Variants in ARSG observed in about 807,000 individuals in gnomAD.
The protein encoded by ARSG is ASG.
A neutral mutation model predicts 50.5 loss-of-function variants in ARSG; 37 were observed. The ratio of observed to expected loss-of-function variants is 0.73; its 90% confidence interval spans 0.56 to 0.96. The LOEUF (loss-of-function observed/expected upper bound fraction) is 0.96, where lower values mean the gene tolerates loss of function less well. ARSG is among the 50% of genes least tolerant of loss of function. The pLI, the probability that ARSG is intolerant of heterozygous loss-of-function variation, is 0.00. For synonymous variants in ARSG, 225 were observed against 254.6 expected (o/e 0.88, Z 1.11); for missense variants, 629 against 675.3 (o/e 0.93, Z 0.76).
intron 8 of ARSG, among the ~76,000 whole-genome samples, chr17:68,379,469 G>A (rs2080323272): frequency 6.9e-6 from 1 of 144,404 alleles, no homozygotes; most frequent in Non-Finnish European, 1.5e-5. Flanking sequence ...GGAGCAGAGG[G>A]GTCTTGCTTG....
upstream of ARSG, among the ~76,000 whole-genome samples, chr17:68,287,853 C>T (rs534040983): frequency 2.1e-4 from 32 of 152,056 alleles, no homozygotes; most frequent in African/African-American, 6.3e-4. Flanking sequence ...CTTAAAAAAC[C>T]GAGTCATAAG....
chr17:68,300,441 G>C (rs564665933), intron 1 of ARSG, among the ~76,000 whole-genome samples: 5 of 152,304 alleles, frequency 3.3e-5, no homozygotes, highest in African/African-American at 1.2e-4. Flanking sequence ...ATACAGCTTT[G>C]TAAAAGGTTC....
chr17:68,431,156 G>A, the ARSG span, among the ~76,000 whole-genome samples: 2 of 152,294 alleles, frequency 1.3e-5, no homozygotes, highest in African/African-American at 4.8e-5. Context: ...GAGAGAGCAC[G>A]GGTGTATACA....
At chr17:68,350,727 T>G (rs1018406401) in intron 4 of ARSG, among the ~76,000 whole-genome samples, 1 of 152,064 alleles carries the variant, frequency 6.6e-6, no homozygotes, top group Admixed American at 6.6e-5. Flanking sequence ...GGAGCTTGCA[T>G]TGAGCCGAGA....
intron 1 of ARSG, 47 bp from the exon 2 acceptor site, chr17:68,306,896 C>T (rs1450900032): frequency 1.3e-5 from 2 of 152,378 alleles, no homozygotes; most frequent in African/African-American, 4.8e-5. Context: ...AACACAGCTG[C>T]ACTGGCAGTT....
chr17:68,401,946 A>T (rs1320948275), intron 11 of ARSG, among the ~76,000 whole-genome samples: 5 of 152,200 alleles, frequency 3.3e-5, no homozygotes, highest in Admixed American at 1.3e-4. Context: ...GATGGTCCTC[A>T]GGGTCTTCCA....
chr17:68,377,493 A>G (rs1010584745), intron 8 of ARSG, among the ~76,000 whole-genome samples: 1 of 152,196 alleles, frequency 6.6e-6, no homozygotes, highest in Admixed American at 6.5e-5. Flanking sequence ...GACTCAGCTC[A>G]GGGCTCAGCA....
At chr17:68,264,926 G>C (rs1457043787) in intron 1 of ARSG, among the ~76,000 whole-genome samples, 1 of 151,738 alleles carries the variant, frequency 6.6e-6, no homozygotes, top group African/African-American at 2.4e-5. Context: ...GGCCGAGGTG[G>C]GTGGATCACC....
At position 68,420,279 on chromosome 17, in the gene ARSG, C is replaced by G; in HGVS notation, c.1394C>G (p.Ala465Gly). ...AACCTGGAAGACGATACCGCAGAAG[C>G]TGTGCCCCTAGAAAGAGGTGGTGCG... ...IFNLEDDTAE[A>G]VPLERGGAEY... The change falls in exon 12 of 12, where the codon GCT (alanine) becomes GGT (glycine). Residue 465 changes from alanine to glycine, a missense_variant. Ala to Gly is a moderately conservative substitution (Grantham distance 60). Coordinates refer to ENST00000621439, the MANE Select transcript of ARSG (RefSeq NM_001267727.2). The G allele has an allele frequency of 6.2e-7, 1 of 1,614,134 alleles. No homozygotes were observed. Among genetic ancestry groups the G allele is most frequent in the East Asian group, 2.2e-5 (1 of 44,866 alleles).
At chr17:68,311,779 CTT>C (rs1425756931) in intron 2 of ARSG, among the ~76,000 whole-genome samples, 5 of 146,214 alleles carry the variant, frequency 3.4e-5, no homozygotes, top group Non-Finnish European at 7.5e-5. Flanking sequence ...TGATTTCAGA[CTT>C]TTAGCCTCCT....
At chr17:68,267,648 G>A (rs1419962436) in intron 1 of ARSG, 2 of 152,072 alleles carry the variant, frequency 1.3e-5, no homozygotes, top group African/African-American at 4.8e-5. Context: ...GTGAGATTGT[G>A]GTAAAATAGG....
intron 5 of ARSG, among the ~76,000 whole-genome samples, chr17:68,353,636 T>C (rs1385287585): frequency 6.6e-6 from 1 of 152,224 alleles, no homozygotes; most frequent in Admixed American, 6.5e-5. Context: ...ATACCTGTAA[T>C]CACACCTGGC....
At chr17:68,292,710 G>A (rs2076058305) in intron 1 of ARSG, among the ~76,000 whole-genome samples, 1 of 152,138 alleles carries the variant, frequency 6.6e-6, no homozygotes, top group South Asian at 2.1e-4. Flanking sequence ...CTTGCTCGCT[G>A]AGTTCTCTCA....
chr17:68,436,271 C>G, the ARSG span: 1 of 934,668 alleles, frequency 1.1e-6, no homozygotes, highest in Non-Finnish European at 1.7e-6. Flanking sequence ...CCCAGTATTG[C>G]TTACTCCCAC....
rs2076642427 is a variant in ARSG, at chr17:68,307,259, A to G, written c.-235A>G. 1 of 527,760 alleles carries G rather than the reference A, an allele frequency of 1.9e-6. No homozygotes were observed. The highest frequency in any genetic ancestry group is 2.8e-5 in the South Asian group (1 of 35,268). The allele number at this position is 527,760 out of a possible 1,614,324, so 32.7% of individuals were successfully genotyped here. The stretch of plus-strand genomic sequence containing the variant: ...AGATCAAGCCAAATGAGGGATTGCA[A>G]ATTTCCTGATTCTTTTGAATTAGGA... On this transcript the variant is annotated 5_prime_UTR_variant, in exon 2 of 12. Coordinates refer to ENST00000621439, the MANE Select transcript of ARSG (RefSeq NM_001267727.2).
intron 9 of ARSG, among the ~76,000 whole-genome samples, chr17:68,388,312 G>A (rs936429362): frequency 2.6e-5 from 4 of 152,138 alleles, no homozygotes; most frequent in South Asian, 2.1e-4. Context: ...TGTCCTGTGC[G>A]CTTTATAGGA....
In ARSG at chr17:68,420,202, G is replaced by A. The variant is rs145449035; in HGVS notation, c.1317G>A (p.Ala439=). ...TTCCCTCTCTAGGTGGAGCCAGGGCGTGTGATGGGAGCACGGGGCCTGAGC... is the reference window on the plus strand; with the variant it reads ...TTCCCTCTCTAGGTGGAGCCAGGGCATGTGATGGGAGCACGGGGCCTGAGC... ...KAFYITGGAR[A]CDGSTGPELQ... Residue 439 remains alanine, a synonymous_variant, in exon 12 of 12, where the codon GCG becomes GCA. Coordinates refer to ENST00000621439, the MANE Select transcript of ARSG (RefSeq NM_001267727.2). The A allele has an allele frequency of 5.6e-5, 90 of 1,613,936 alleles. No individual in the cohort carries two copies. The highest frequency in any genetic ancestry group is 7.2e-5 in the Non-Finnish European group (85 of 1,180,008).
In ARSG at chr17:68,278,443, ATATTTATT is replaced by A. The variant is rs533229022; in HGVS notation, c.-552+19034_-552+19041del. ...CTTACCCCATTTCTTAAGTTGTTGA[ATATTTATT>A]TATTTATTTATTTATTGAGATGGAG... is the stretch of plus-strand genomic sequence containing the variant. On this transcript the variant is annotated intron_variant, in intron 1 of 11. Transcript: ENST00000448504. 65 of 638,040 alleles carry A rather than the reference ATATTTATT, an allele frequency of 1.0e-4. No homozygotes were observed. The African/African-American group carries it at 1.1e-3, about 11-fold the overall frequency. The allele number at this position is 638,040 out of a possible 1,614,324, so 39.5% of individuals were successfully genotyped here.
chr17:68,433,777 T>TTTGTTTTG, the ARSG span, among the ~76,000 whole-genome samples: 1 of 63,616 alleles, frequency 1.6e-5, no homozygotes, highest in African/African-American at 4.9e-5. Flanking sequence ...TTTTTTTTTT[T>TTTGTTTTG]TTTTTTTTTT....
Sources: gnomAD v4.1 joint callset for allele counts (sites outside exome capture counted in the v4.1 genomes callset) on GRCh38, gnomAD v4.1.1 for gene constraint, MANE v1.5 for transcripts, NCBI Gene and HGNC (gene_info 2026-07-23, HGNC 2026-07-21) for gene names.